SCARA5: variants seen among roughly 807,000 people sequenced by gnomAD.
SCARA5 encodes scavenger receptor class A member 5, also known as scavenger receptor class A, member 5 (putative).
Under a neutral mutation model 46.3 loss-of-function variants are expected in SCARA5, and 45 were observed. That is an observed-to-expected ratio of 0.97 (90% CI 0.76 to 1.24). SCARA5 has a LOEUF of 1.24. SCARA5 is among the 50% of genes most tolerant of loss of function. SCARA5 has a pLI of 0.00. For missense variants in SCARA5, 680 were observed against 689.0 expected (o/e 0.99, Z 0.15); for synonymous variants, 333 against 306.5 (o/e 1.09, Z -0.90).
rs1389025932 is a variant in SCARA5 at position 27,921,623 on chromosome 8, G to A, written c.864C>T (p.Arg288=). 2 of 1,597,790 alleles carry A rather than the reference G, an allele frequency of 1.3e-6. No homozygotes were observed. The highest frequency in any genetic ancestry group is 1.4e-5 in the African/African-American group (1 of 74,026). ...CGATGGAGTGCTCCCAGTCCTTGAG[G>A]CGCAGGTCCTCGGTGACCGCGTTGA... ...AMLNAVTEDL[R]LKDWEHSIAL... The change falls in exon 4 of 9, where the codon CGC becomes CGT. Residue 288 remains arginine (R), a synonymous_variant. Transcript: ENST00000354914.
At chr8:27,941,708 A>C (rs922680666) in intron 3 of SCARA5, among the ~76,000 whole-genome samples, 3 of 152,008 alleles carry the variant, frequency 2.0e-5, no homozygotes, top group Non-Finnish European at 4.4e-5. Flanking sequence ...AACTCCAAAC[A>C]GATGTATAGA....
intron 7 of SCARA5, among the ~76,000 whole-genome samples, chr8:27,893,229 A>G (rs534372719): frequency 1.3e-5 from 2 of 152,306 alleles, no homozygotes; most frequent in East Asian, 3.9e-4. Context: ...TTAGCATATT[A>G]GGACCAGGGC....
chr8:27,947,496 A>C (rs1383871845), intron 3 of SCARA5, among the ~76,000 whole-genome samples: 1 of 152,192 alleles, frequency 6.6e-6, no homozygotes, highest in Admixed American at 6.5e-5. Context: ...TGACAGATGG[A>C]TGGATAAGCA....
intron 5 of SCARA5, among the ~76,000 whole-genome samples, chr8:27,907,572 CTTTT>C (rs144977060): frequency 4.1e-5 from 4 of 97,262 alleles, no homozygotes; most frequent in Non-Finnish European, 4.1e-5. Flanking sequence ...TCAGCAAACA[CTTTT>C]TTTTTTTTTT....
chr8:27,969,252 A>C (rs1808412866), intron 2 of SCARA5, among the ~76,000 whole-genome samples: 1 of 152,172 alleles, frequency 6.6e-6, no homozygotes, highest in African/African-American at 2.4e-5. Flanking sequence ...GATTACAAAC[A>C]CTCCAAAATG....
intron 2 of SCARA5, among the ~76,000 whole-genome samples, chr8:27,979,555 C>CT (rs1316560887): frequency 0.014 from 1,967 of 140,712 alleles, 32 homozygotes; most frequent in African/African-American, 0.038. Context: ...GCCTGCCTGA[C>CT]TTTTTTTTTT....
chr8:27,889,946 TTTATG>T lies in SCARA5; in HGVS notation c.1154-10185_1154-10181del, dbSNP rs367897531. ...AAAAATGCATTATCTGTATTAATTC[TTTATG>T]TATATTTTATCAATGTCTGTGTTTA... On this transcript the variant is annotated intron_variant, in intron 7 of 8. Coordinates refer to ENST00000354914, the MANE Select transcript of SCARA5 (RefSeq NM_173833.6). Among the ~76,000 whole-genome samples, 125 of 152,370 alleles carry T rather than the reference TTTATG, an allele frequency of 8.2e-4. No homozygotes were observed. The Middle Eastern group carries it at 0.01, about 12-fold the overall frequency.
chr8:27,934,336 T>C (rs1807822849), intron 3 of SCARA5, among the ~76,000 whole-genome samples: 1 of 152,170 alleles, frequency 6.6e-6, no homozygotes, highest in Admixed American at 6.5e-5. Flanking sequence ...AATGCGGCCT[T>C]GAATCAGCCC....
In SCARA5 at chr8:27,871,742, T is replaced by C; in HGVS notation, c.*192A>G. The C allele has an allele frequency of 7.0e-7, 1 of 1,431,580 alleles. No individual in the cohort carries two copies. The highest frequency in any genetic ancestry group is 9.1e-7 in the Non-Finnish European group (1 of 1,095,676). 88.7% of individuals were successfully genotyped at this position (1,431,580 alleles called of 1,614,324 possible). On this transcript the variant is annotated 3_prime_UTR_variant, in exon 9 of 9. Transcript: ENST00000354914. ...AGAGACGGGCAGTAGGTCCCAGAGT[T>C]ATACTTCGGAGCACATGTTCAAGAG... is the stretch of plus-strand genomic sequence containing the variant.
Position 27,950,384 on chromosome 8 carries a change from C to T in SCARA5, c.241+16030G>A, listed in dbSNP as rs188037682. On this transcript the variant is annotated intron_variant, in intron 3 of 8. Transcript: ENST00000354914. Reference sequence around the variant, plus strand: ...CCCCCAATCCCATCCTCGAGCAGACCCTTTCCACACAGGCCTCATGCCCGT... The same window carrying T: ...CCCCCAATCCCATCCTCGAGCAGACTCTTTCCACACAGGCCTCATGCCCGT... Among the ~76,000 whole-genome samples the T allele has an allele frequency of 9.4e-4, 138 of 147,588 alleles. 1 individual carries two copies. Among genetic ancestry groups the T allele is most frequent in the Non-Finnish European group, 2.4e-4 (16 of 66,838 alleles).
chr8:27,925,265 G>A (rs2129825121), intron 3 of SCARA5, among the ~76,000 whole-genome samples: 1 of 152,324 alleles, frequency 6.6e-6, no homozygotes, highest in Admixed American at 6.5e-5. Context: ...AACCAAAACA[G>A]CATGGTACTG....
intron 3 of SCARA5, among the ~76,000 whole-genome samples, chr8:27,923,792 C>T (rs1807638741): frequency 1.3e-5 from 2 of 152,096 alleles, no homozygotes; most frequent in South Asian, 4.2e-4. Flanking sequence ...CCAGGATGGT[C>T]TCGATCTCTT....
At chr8:27,975,400 A>C (rs1432523352) in intron 2 of SCARA5, among the ~76,000 whole-genome samples, 1 of 152,196 alleles carries the variant, frequency 6.6e-6, no homozygotes, top group African/African-American at 2.4e-5. Flanking sequence ...GCACTCTAGC[A>C]AATTAATCAA....
At chr8:27,883,180 G>C (rs150488052) in intron 7 of SCARA5, among the ~76,000 whole-genome samples, 1 of 152,208 alleles carries the variant, frequency 6.6e-6, no homozygotes, top group Non-Finnish European at 1.5e-5. Flanking sequence ...GAATGTAGTA[G>C]AGAGCCATTC....
intron 4 of SCARA5, among the ~76,000 whole-genome samples, chr8:27,914,393 G>T (rs1807427529): frequency 2.0e-5 from 3 of 152,226 alleles, no homozygotes; most frequent in Admixed American, 2.0e-4. Context: ...GAAGGAGGTG[G>T]GGAGATCCTC....
chr8:27,959,173 C>T (rs893177799), intron 3 of SCARA5, among the ~76,000 whole-genome samples: 8 of 152,120 alleles, frequency 5.3e-5, no homozygotes, highest in Admixed American at 5.2e-4. Context: ...GCAGAGGTTG[C>T]AATGAGCTGA....
chr8:27,884,347 A>G (rs1806858983), intron 7 of SCARA5, among the ~76,000 whole-genome samples: 1 of 152,080 alleles, frequency 6.6e-6, no homozygotes, highest in Non-Finnish European at 1.5e-5. Flanking sequence ...ACACCAAGAA[A>G]CTCCCCGGGA....
At chr8:27,961,689 C>T (rs951174195) in intron 3 of SCARA5, among the ~76,000 whole-genome samples, 8 of 152,012 alleles carry the variant, frequency 5.3e-5, no homozygotes, top group South Asian at 2.1e-4. Context: ...TTGTAACCAG[C>T]GTGAAGTCTA....
intron 7 of SCARA5, among the ~76,000 whole-genome samples, chr8:27,882,253 C>T (rs1365306104): frequency 2.0e-5 from 3 of 152,172 alleles, no homozygotes; most frequent in Non-Finnish European, 2.9e-5. Flanking sequence ...GAATGGTATT[C>T]CATTTTCTAT....
Sources: allele counts gnomAD v4.1 joint callset (sites outside exome capture counted in the v4.1 genomes callset), GRCh38; gene constraint gnomAD v4.1.1; transcripts MANE v1.5; gene names NCBI Gene and HGNC (gene_info 2026-07-23, HGNC 2026-07-21).